Variants in RYR3 observed in about 807,000 individuals in gnomAD.
RYR3 encodes brain ryanodine receptor-calcium release channel.
In RYR3, 207 loss-of-function variants were observed where a neutral mutation model predicts 584.3. The observed-to-expected ratio is 0.35, with a 90% CI of 0.32 to 0.40. The LOEUF (loss-of-function observed/expected upper bound fraction) is 0.40, where lower values mean the gene tolerates loss of function less well. Ranked by LOEUF, RYR3 falls within the 10% of genes least tolerant of loss-of-function variation. RYR3 has a pLI of 1.00. For missense variants in RYR3, 5,616 were observed against 6,089.2 expected, an observed-to-expected ratio of 0.92 and a Z score of 2.59; for synonymous variants, 2,416 against 2,248.5, an observed-to-expected ratio of 1.07 and a Z score of -2.11.
At chr15:33,691,706 A>G (rs1235604920) in intron 38 of RYR3, among the ~76,000 whole-genome samples, 6 of 152,216 alleles carry the variant, frequency 3.9e-5, no homozygotes, top group Non-Finnish European at 7.3e-5. Context: ...TCTCTGTACC[A>G]TTCTATCACA....
At chr15:33,387,503 A>G (rs1442281766) in intron 1 of RYR3, among the ~76,000 whole-genome samples, 1 of 152,048 alleles carries the variant, frequency 6.6e-6, no homozygotes, top group Non-Finnish European at 1.5e-5. Flanking sequence ...GTTATTTTCT[A>G]TTTTTTTGAG....
At chr15:33,358,311 A>G (rs1219790032) in intron 1 of RYR3, among the ~76,000 whole-genome samples, 1 of 152,208 alleles carries the variant, frequency 6.6e-6, no homozygotes, top group African/African-American at 2.4e-5. Flanking sequence ...CTACTGAGGC[A>G]CTGCTGCCCA....
intron 2 of RYR3, among the ~76,000 whole-genome samples, chr15:33,493,113 G>A (rs989229826): frequency 2.6e-5 from 4 of 151,032 alleles, no homozygotes; most frequent in African/African-American, 7.3e-5. Flanking sequence ...ACATTAGCTC[G>A]AGACTTAGAC....
intron 1 of RYR3, among the ~76,000 whole-genome samples, chr15:33,420,007 TAG>T (rs1343772950): frequency 1.3e-5 from 2 of 152,198 alleles, no homozygotes; most frequent in African/African-American, 4.8e-5. Context: ...CTAAATGATT[TAG>T]AGTCTTCCTC....
chr15:33,330,390 C>T (rs954701855), intron 1 of RYR3, among the ~76,000 whole-genome samples: 9 of 152,072 alleles, frequency 5.9e-5, no homozygotes, highest in African/African-American at 2.2e-4. Context: ...GGAGCAGTTG[C>T]CATCATGCCA....
rs181696244 is a variant in RYR3 at position 33,841,311 on chromosome 15, G to C, written c.13037+428G>C. Among the ~76,000 whole-genome samples the C allele has an allele frequency of 1.4e-4, 21 of 152,296 alleles. No homozygotes were observed. The East Asian group carries it at 4.0e-3, about 29-fold the overall frequency. On this transcript the variant is annotated intron_variant, in intron 90 of 103. Coordinates refer to ENST00000634891, the MANE Select transcript of RYR3 (RefSeq NM_001036.6). ...AATAGAAAACTTGATATCTGTCAAT[G>C]CAAGCAATTATTCTGCAAGCCCTGG... is the stretch of plus-strand genomic sequence containing the variant.
intron 1 of RYR3, among the ~76,000 whole-genome samples, chr15:33,340,937 T>C (rs974079479): frequency 7.9e-5 from 12 of 152,182 alleles, no homozygotes; most frequent in African/African-American, 2.9e-4. Context: ...ACTAGAATGG[T>C]GGTTCTCAAA....
At chr15:33,399,333 C>T (rs1356926593) in intron 1 of RYR3, among the ~76,000 whole-genome samples, 1 of 152,118 alleles carries the variant, frequency 6.6e-6, no homozygotes, top group African/African-American at 2.4e-5. Flanking sequence ...CTCTCTTCTC[C>T]TAAATTAAAA....
chr15:33,740,755 C>T (rs1164724876), intron 51 of RYR3, among the ~76,000 whole-genome samples: 1 of 152,194 alleles, frequency 6.6e-6, no homozygotes, highest in Admixed American at 6.5e-5. Flanking sequence ...ATATGAGCCC[C>T]TTGGACCTGT....
At chr15:33,722,347 C>G (rs1360312722) in intron 43 of RYR3, 2 of 236,954 alleles carry the variant, frequency 8.4e-6, no homozygotes, top group African/African-American at 4.7e-5. Flanking sequence ...GAAATAATCT[C>G]TACAGTACAA....
intron 16 of RYR3, among the ~76,000 whole-genome samples, chr15:33,588,507 C>G (rs554779075): frequency 6.3e-4 from 96 of 152,098 alleles, no homozygotes; most frequent in African/African-American, 2.1e-3. Flanking sequence ...AATTTTGTTA[C>G]CTGGATATAT....
intron 94 of RYR3, chr15:33,851,903 C>T (rs905078026): frequency 6.6e-6 from 1 of 152,208 alleles, no homozygotes; most frequent in Admixed American, 6.5e-5. Flanking sequence ...TTATTTTCAT[C>T]CCCCAGAGAT....
At chr15:33,449,774 C>G (rs1250489314) in intron 1 of RYR3, among the ~76,000 whole-genome samples, 1 of 152,040 alleles carries the variant, frequency 6.6e-6, no homozygotes, top group Non-Finnish European at 1.5e-5. Context: ...GTAGGTCAGT[C>G]ATTTTCGAGC....
Position 33,503,465 on chromosome 15 carries a change from C to T in RYR3, c.172-166C>T, listed in dbSNP as rs552869056. 3.3e-5 allele frequency among the ~76,000 whole-genome samples: 5 copies of T among 152,310 alleles called. No individual in the cohort carries two copies. In the East Asian group the frequency reaches 9.6e-4, roughly 29 times the overall value. On this transcript the variant is annotated intron_variant, in intron 2 of 103. Coordinates refer to ENST00000634891, the MANE Select transcript of RYR3 (RefSeq NM_001036.6). ...GGCTTTTCTTACCATTCTTTAGAAA[C>T]CAGCTTAAAACCCATCTTGAACAGG...
At chr15:33,519,623 TTG>T (rs1491123214) in intron 3 of RYR3, among the ~76,000 whole-genome samples, 1 of 134,080 alleles carries the variant, frequency 7.5e-6, no homozygotes, top group Non-Finnish European at 1.7e-5. Context: ...AGCTTTTATG[TTG>T]TTTTTTTTTT....
At position 33,550,317 on chromosome 15, in the gene RYR3, G is replaced by T. The variant is rs771005727; in HGVS notation, c.972+1G>T. On this transcript the variant is annotated splice_donor_variant, in intron 10 of 103. Transcript: ENST00000634891. LOFTEE classifies it high-confidence loss of function. Reference sequence around the variant, plus strand: ...AGCTTTCTCTTTCCGGGCATCAAAGGTAAGGTGTGATAAAGTGGACTTTGA... The same window carrying T: ...AGCTTTCTCTTTCCGGGCATCAAAGTTAAGGTGTGATAAAGTGGACTTTGA... 6.2e-7 allele frequency: 1 copy of T among 1,612,194 alleles called. No individual in the cohort carries two copies. The highest frequency in any genetic ancestry group is 8.5e-7 in the Non-Finnish European group (1 of 1,179,034).
intron 60 of RYR3, among the ~76,000 whole-genome samples, chr15:33,767,280 G>A (rs1403893451): frequency 3.3e-5 from 5 of 151,344 alleles, no homozygotes; most frequent in East Asian, 3.9e-4. Context: ...TTAGCCCCTC[G>A]CTTCAGCTCC....
intron 38 of RYR3, among the ~76,000 whole-genome samples, chr15:33,678,752 G>T (rs2064364254): frequency 6.6e-6 from 1 of 152,138 alleles, no homozygotes; most frequent in Non-Finnish European, 1.5e-5. Flanking sequence ...CGCCTCGAGG[G>T]GTCTGACAGC....
At chr15:33,457,897 T>G (rs2047695990) in intron 1 of RYR3, among the ~76,000 whole-genome samples, 1 of 152,198 alleles carries the variant, frequency 6.6e-6, no homozygotes, top group Non-Finnish European at 1.5e-5. Context: ...TTTGAAGCTA[T>G]CAGAAATTCA....
Sources: gnomAD v4.1 joint callset for allele counts (sites outside exome capture counted in the v4.1 genomes callset) on GRCh38, gnomAD v4.1.1 for gene constraint, MANE v1.5 for transcripts, NCBI Gene and HGNC (gene_info 2026-07-23, HGNC 2026-07-21) for gene names.